DAAM1: variants seen among roughly 807,000 people sequenced by gnomAD.
The protein encoded by DAAM1 is disheveled-associated activator of morphogenesis 1.
In DAAM1, 52 loss-of-function variants were observed where a neutral mutation model predicts 130.0. That is an observed-to-expected ratio of 0.40 (90% CI 0.32 to 0.50). The LOEUF (loss-of-function observed/expected upper bound fraction) is 0.50, where lower values mean the gene tolerates loss of function less well. Among genes scored for constraint, DAAM1 ranks in the 20% least tolerant of loss-of-function variants. The probability of loss-of-function intolerance (pLI) is 0.61; values close to 1 mark genes in which losing one functional copy is unlikely to be tolerated. For missense variants in DAAM1, 1,134 were observed against 1,303.8 expected (o/e 0.87, Z 2.01); for synonymous variants, 452 against 444.5 (o/e 1.02, Z -0.21).
chr14:59,264,008 A>C (rs1882312364), intron 2 of DAAM1: 1 of 337,210 alleles, frequency 3.0e-6, no homozygotes, highest in East Asian at 7.3e-5. Flanking sequence ...TAATTCCTTC[A>C]TTTACTTCAC....
Position 59,367,548 on chromosome 14 carries a change from TATGAGAAAGAAA to T in DAAM1, c.2948_2959del (p.Met983_Lys986del). 2.5e-6 allele frequency: 4 copies of T among 1,613,424 alleles called. No individual in the cohort carries two copies. Among genetic ancestry groups the T allele is most frequent in the Non-Finnish European group, 3.4e-6 (4 of 1,179,762 alleles). On this transcript the variant is annotated inframe_deletion, in exon 24 of 25. Transcript: ENST00000360909. The stretch of plus-strand genomic sequence containing the variant: ...CAGAAGCCAAACAAGAAAACGAAAA[TATGAGAAAGAAA>T]AAGGAGGAAGAAGAACGTCGAGCTC...
chr14:59,255,593 A>G (rs972004894), intron 1 of DAAM1, among the ~76,000 whole-genome samples: 3 of 152,148 alleles, frequency 2.0e-5, no homozygotes, highest in African/African-American at 7.2e-5. Context: ...CCTCTGGAAA[A>G]TTGCAAAATG....
intron 1 of DAAM1, among the ~76,000 whole-genome samples, chr14:59,233,206 A>G (rs1282115737): frequency 6.6e-6 from 1 of 152,216 alleles, no homozygotes; most frequent in African/African-American, 2.4e-5. Flanking sequence ...TCCTTGAGGA[A>G]TCACCATGCT....
intron 1 of DAAM1, among the ~76,000 whole-genome samples, chr14:59,225,021 T>TTTTTTG (rs1888893566): frequency 3.2e-5 from 3 of 92,918 alleles, no homozygotes; most frequent in Non-Finnish European, 7.0e-5. Context: ...CTGTGTGGGT[T>TTTTTTG]TTTTTTTTTT....
At chr14:59,223,429 G>A (rs1365434321) in intron 1 of DAAM1, among the ~76,000 whole-genome samples, 1 of 152,160 alleles carries the variant, frequency 6.6e-6, no homozygotes, top group Non-Finnish European at 1.5e-5. Context: ...GTAGGTGATG[G>A]CAACACCTTA....
At chr14:59,262,600 A>G (rs1424907522) in intron 1 of DAAM1, among the ~76,000 whole-genome samples, 2 of 152,088 alleles carry the variant, frequency 1.3e-5, no homozygotes, top group East Asian at 3.8e-4. Flanking sequence ...ATTTTCCCAT[A>G]TCTACATATA....
intron 1 of DAAM1, among the ~76,000 whole-genome samples, chr14:59,245,060 G>C (rs555407828): frequency 7.9e-5 from 12 of 152,138 alleles, no homozygotes; most frequent in Non-Finnish European, 2.9e-5. Context: ...AGGACGGGGG[G>C]GCCAGGGGAA....
intron 1 of DAAM1, among the ~76,000 whole-genome samples, chr14:59,209,104 C>T (rs977332844): frequency 3.9e-5 from 6 of 152,302 alleles, no homozygotes; most frequent in South Asian, 2.1e-4. Context: ...AGCTTAGTTG[C>T]GCATGTGCAT....
At chr14:59,287,561 T>G (rs1461086030) in intron 2 of DAAM1, among the ~76,000 whole-genome samples, 1 of 152,202 alleles carries the variant, frequency 6.6e-6, no homozygotes, top group Non-Finnish European at 1.5e-5. Flanking sequence ...CTAGAACTGA[T>G]AAACAACTTT....
intron 1 of DAAM1, among the ~76,000 whole-genome samples, chr14:59,246,642 G>C (rs1309707010): frequency 4.6e-5 from 7 of 152,144 alleles, no homozygotes; most frequent in African/African-American, 1.7e-4. Flanking sequence ...TTTCCATAAT[G>C]GTTGTTCCAC....
chr14:59,249,184 G>T (rs1431133659), intron 1 of DAAM1, among the ~76,000 whole-genome samples: 2 of 152,164 alleles, frequency 1.3e-5, no homozygotes, highest in Non-Finnish European at 2.9e-5. Flanking sequence ...GGTCATTCTG[G>T]AAGTCACTTG....
chr14:59,280,905 G>A (rs1883186969), intron 2 of DAAM1, among the ~76,000 whole-genome samples: 1 of 152,082 alleles, frequency 6.6e-6, no homozygotes, highest in Non-Finnish European at 1.5e-5. Context: ...CTAAGAAAAA[G>A]GGCATGAGTT....
In DAAM1 at chr14:59,369,011, GTA is replaced by G. The variant is rs1251516887; in HGVS notation, c.*158_*159del. On this transcript the variant is annotated 3_prime_UTR_variant, in exon 25 of 25. Coordinates refer to ENST00000360909, the MANE Select transcript of DAAM1 (RefSeq NM_001270520.2). ...AACGTGTGTATGTAAATGTATGTGTGTATATATTAAAAAATGTATATAGATGT... is the reference window on the plus strand; with the variant it reads ...AACGTGTGTATGTAAATGTATGTGTGTATATTAAAAAATGTATATAGATGT... 3 of 646,838 alleles carry G rather than the reference GTA, an allele frequency of 4.6e-6. No homozygotes were observed. In the African/African-American group the frequency reaches 5.5e-5, roughly 12 times the overall value. The allele number at this position is 646,838 out of a possible 1,614,324, so 40.1% of individuals were successfully genotyped here.
intron 3 of DAAM1, among the ~76,000 whole-genome samples, chr14:59,314,369 C>G (rs1347307516): frequency 6.6e-6 from 1 of 152,222 alleles, no homozygotes; most frequent in African/African-American, 2.4e-5. Flanking sequence ...TTTGATCACA[C>G]AAGTGACTCA....
At chr14:59,330,124 A>G (rs988919768) in intron 12 of DAAM1, among the ~76,000 whole-genome samples, 17 of 152,324 alleles carry the variant, frequency 1.1e-4, no homozygotes, top group African/African-American at 3.8e-4. Flanking sequence ...AAAAGAGGCC[A>G]TTTGAATATT....
chr14:59,193,850 C>T (rs982556379), intron 1 of DAAM1, among the ~76,000 whole-genome samples: 2 of 152,190 alleles, frequency 1.3e-5, no homozygotes, highest in African/African-American at 2.4e-5. Flanking sequence ...CTTCCCTGCC[C>T]TTCCTCCTTA....
chr14:59,294,478 G>C (rs1238398880), intron 3 of DAAM1, among the ~76,000 whole-genome samples: 1 of 152,144 alleles, frequency 6.6e-6, no homozygotes, highest in Non-Finnish European at 1.5e-5. Flanking sequence ...GATGGATGTT[G>C]AGGCCTTGTT....
chr14:59,201,337 G>A (rs1049220017), intron 1 of DAAM1, among the ~76,000 whole-genome samples: 6 of 152,026 alleles, frequency 3.9e-5, no homozygotes, highest in Non-Finnish European at 8.8e-5. Context: ...AAAATTCCAT[G>A]TCTGGCTGGG....
chr14:59,334,281 C>T (rs1276964252), intron 15 of DAAM1, among the ~76,000 whole-genome samples: 2 of 152,154 alleles, frequency 1.3e-5, no homozygotes, highest in African/African-American at 4.8e-5. Flanking sequence ...AAATGGGTTG[C>T]CTGTCATTAA....
Sources: gnomAD v4.1 joint callset for allele counts (sites outside exome capture counted in the v4.1 genomes callset) on GRCh38, gnomAD v4.1.1 for gene constraint, MANE v1.5 for transcripts, NCBI Gene and HGNC (gene_info 2026-07-23, HGNC 2026-07-21) for gene names.